PIK3C2G: variants seen among roughly 807,000 people sequenced by gnomAD.
PIK3C2G encodes phosphatidylinositol-4-phosphate 3-kinase catalytic subunit type 2 gamma.
A neutral mutation model predicts 181.1 loss-of-function variants in PIK3C2G; 168 were observed. That is an observed-to-expected ratio of 0.93 (90% CI 0.82 to 1.05). PIK3C2G has a LOEUF of 1.05. Among genes scored for constraint, PIK3C2G ranks in the 50% least tolerant of loss-of-function variants. The pLI, the probability that PIK3C2G is intolerant of heterozygous loss-of-function variation, is 0.00. For synonymous variants in PIK3C2G, 573 were observed against 592.2 expected (o/e 0.97, Z 0.47); for missense variants, 1,869 against 1,732.8 (o/e 1.08, Z -1.40).
chr12:18,474,999 G>A (rs1426570105), intron 18 of PIK3C2G, among the ~76,000 whole-genome samples: 2 of 151,998 alleles, frequency 1.3e-5, no homozygotes, highest in East Asian at 3.9e-4. Context: ...ATTAAGGCAA[G>A]GCTCTTAAAA....
At chr12:18,448,565 C>T (rs1484281579) in intron 18 of PIK3C2G, among the ~76,000 whole-genome samples, 2 of 152,130 alleles carry the variant, frequency 1.3e-5, no homozygotes, top group Non-Finnish European at 2.9e-5. Context: ...TCCCTGTCCA[C>T]ATCCCACAAC....
intron 29 of PIK3C2G, among the ~76,000 whole-genome samples, chr12:18,584,703 G>C (rs1177350350): frequency 6.6e-6 from 1 of 152,050 alleles, no homozygotes; most frequent in Admixed American, 6.6e-5. Flanking sequence ...ACCCCTGCAA[G>C]ATTCTACAGA....
At chr12:18,556,466 A>G (rs1034403660) in intron 26 of PIK3C2G, among the ~76,000 whole-genome samples, 2 of 152,168 alleles carry the variant, frequency 1.3e-5, no homozygotes, top group African/African-American at 2.4e-5. Context: ...ACTGTTGGGC[A>G]ATGTAAGAAT....
intron 16 of PIK3C2G, among the ~76,000 whole-genome samples, chr12:18,411,989 G>T (rs116254312): frequency 1.3e-3 from 195 of 151,984 alleles, no homozygotes; most frequent in African/African-American, 4.5e-3. Flanking sequence ...TTTTTTTACT[G>T]TCAAATGGAA....
chr12:18,610,598 C>T (rs1437862599), intron 31 of PIK3C2G, among the ~76,000 whole-genome samples: 3 of 152,064 alleles, frequency 2.0e-5, no homozygotes, highest in African/African-American at 7.2e-5. Context: ...AATATTTTAA[C>T]ATTTTCTTGC....
chr12:18,671,394 C>T, the PIK3C2G span, among the ~76,000 whole-genome samples: 1 of 151,816 alleles, frequency 6.6e-6, no homozygotes, highest in Non-Finnish European at 1.5e-5. Context: ...GGAGAAAGAA[C>T]ACGAGAGCCT....
rs143531091 is a variant in PIK3C2G, at chr12:18,521,366, T to C, written c.3323+15905T>C. 1.8e-4 allele frequency among the ~76,000 whole-genome samples: 27 copies of C among 152,344 alleles called. No homozygotes were observed. In the East Asian group the frequency reaches 4.6e-3, roughly 26 times the overall value. ...TAGCAGGAGGAAAGACTAGGTCTGC[T>C]GGCCTGCCGAATCTGTGGCTACCCG... On this transcript the variant is annotated intron_variant, in intron 24 of 32. Coordinates refer to ENST00000538779, the MANE Select transcript of PIK3C2G (RefSeq NM_001288772.2).
At chr12:18,599,363 T>C (rs1361535011) in intron 30 of PIK3C2G, among the ~76,000 whole-genome samples, 3 of 151,926 alleles carry the variant, frequency 2.0e-5, no homozygotes, top group African/African-American at 7.3e-5. Context: ...ATGGATGAAA[T>C]TGGAAATCAT....
chr12:18,701,871 C>A, the PIK3C2G span: 1 of 1,501,940 alleles, frequency 6.7e-7, no homozygotes, highest in Admixed American at 2.1e-5. Context: ...TTCCAATTAG[C>A]CTACAGTAAT....
intron 10 of PIK3C2G, 54 bp from the exon 11 acceptor site, chr12:18,346,587 C>A (rs1939689198): frequency 1.0e-6 from 1 of 994,214 alleles, no homozygotes; most frequent in Non-Finnish European, 1.5e-6. Context: ...AATTGATGGC[C>A]TATGATAAAT....
intron 18 of PIK3C2G, among the ~76,000 whole-genome samples, chr12:18,444,079 A>G (rs12146820): frequency 0.15 from 22,232 of 152,242 alleles, 2,146 homozygotes; most frequent in East Asian, 0.38. Flanking sequence ...ATTCTATTAC[A>G]AAATAAATAT....
chr12:18,246,813 C>T (rs1176175897), upstream of PIK3C2G, among the ~76,000 whole-genome samples: 1 of 152,134 alleles, frequency 6.6e-6, no homozygotes, highest in Admixed American at 6.5e-5. Context: ...ACAACCTCTC[C>T]TCACCAGTAG....
rs750282521 is a variant in PIK3C2G, at chr12:18,546,303, T to A, written c.3481-20T>A. 1.5e-6 allele frequency: 2 copies of A among 1,361,644 alleles called. No homozygotes were observed. Among genetic ancestry groups the A allele is most frequent in the Non-Finnish European group, 1.0e-6 (1 of 964,330 alleles). The allele number at this position is 1,361,644 out of a possible 1,614,324, so 84.3% of individuals were successfully genotyped here. A position where few individuals can be genotyped will look rare whatever the true frequency, so the allele number is the denominator to read the frequency against. ...TTATTCTGTCTTCTTTTTGCTTTGC[T>A]TGTTCTTGTTGTGGTTAAGATGCTG... On this transcript the variant is annotated intron_variant, in intron 25 of 32. Coordinates refer to ENST00000538779, the MANE Select transcript of PIK3C2G (RefSeq NM_001288772.2).
chr12:18,405,017 A>G (rs1337884414), intron 16 of PIK3C2G, among the ~76,000 whole-genome samples: 3 of 152,310 alleles, frequency 2.0e-5, no homozygotes, highest in Non-Finnish European at 4.4e-5. Flanking sequence ...AGAGGAAAGT[A>G]AAAAAGAGAG....
chr12:18,538,999 C>G (rs187666163), intron 25 of PIK3C2G, among the ~76,000 whole-genome samples: 1 of 151,900 alleles, frequency 6.6e-6, no homozygotes, highest in Non-Finnish European at 1.5e-5. Flanking sequence ...TAGGCACATA[C>G]GTACACACTA....
rs1941502129 is a variant in PIK3C2G, at chr12:18,364,552, A to C, written c.1748+1666A>C. ...AGCAGCACCAGACAAAGGGTCCAGTAAGTGTTATTGGGCAAATTAATAAAT... is the reference window on the plus strand; with the variant it reads ...AGCAGCACCAGACAAAGGGTCCAGTCAGTGTTATTGGGCAAATTAATAAAT... On this transcript the variant is annotated intron_variant, in intron 12 of 32. Transcript: ENST00000538779. 2.0e-5 allele frequency among the ~76,000 whole-genome samples: 3 copies of C among 152,088 alleles called. No homozygotes were observed. The South Asian group carries it at 6.2e-4, about 32-fold the overall frequency.
intron 25 of PIK3C2G, among the ~76,000 whole-genome samples, chr12:18,544,779 C>T (rs1944335931): frequency 6.6e-6 from 1 of 151,748 alleles, no homozygotes; most frequent in East Asian, 1.9e-4. Flanking sequence ...TCCAGGACTC[C>T]CTCATCCATC....
At chr12:18,615,600 T>C (rs1207678420) in intron 31 of PIK3C2G, among the ~76,000 whole-genome samples, 1 of 152,024 alleles carries the variant, frequency 6.6e-6, no homozygotes, top group Non-Finnish European at 1.5e-5. Flanking sequence ...AGTAGTGAGA[T>C]TGCTGGATCA....
In PIK3C2G at chr12:18,486,280, A is replaced by G. The variant is rs969166264; in HGVS notation, c.2505-2169A>G. ...TCTCCAAGGAAAATAATCCCAACAG[A>G]ATACACTGAGTTTTCTTAGCTTTTA... On this transcript the variant is annotated intron_variant, in intron 18 of 32. Transcript: ENST00000538779. 9.9e-5 allele frequency among the ~76,000 whole-genome samples: 15 copies of G among 152,228 alleles called. No homozygotes were observed. The South Asian group carries it at 2.9e-3, about 29-fold the overall frequency.
Sources: allele counts gnomAD v4.1 joint callset (sites outside exome capture counted in the v4.1 genomes callset), GRCh38; gene constraint gnomAD v4.1.1; transcripts MANE v1.5; gene names NCBI Gene and HGNC (gene_info 2026-07-23, HGNC 2026-07-21).